SV2C: variants seen among roughly 807,000 people sequenced by gnomAD.
SV2C encodes synaptic vesicle glycoprotein 2C.
Under a neutral mutation model 79.7 loss-of-function variants are expected in SV2C, and 49 were observed. That is an observed-to-expected ratio of 0.61 (90% confidence interval 0.49 to 0.78). SV2C has a LOEUF of 0.78. SV2C is among the 30% of genes least tolerant of loss of function. The pLI is 0.00. For synonymous variants in SV2C, 334 were observed against 333.2 expected (o/e 1.00, Z -0.03); for missense variants, 833 against 912.9 (o/e 0.91, Z 1.13).
At chr5:76,035,991 C>A in the SV2C span, among the ~76,000 whole-genome samples, 1 of 152,062 alleles carries the variant, frequency 6.6e-6, no homozygotes, top group Non-Finnish European at 1.5e-5. Flanking sequence ...ATCCCTTTAC[C>A]ATTATGTAAT....
At chr5:76,247,049 T>G (rs918435108) in intron 4 of SV2C, among the ~76,000 whole-genome samples, 1 of 152,190 alleles carries the variant, frequency 6.6e-6, no homozygotes, top group Non-Finnish European at 1.5e-5. Context: ...GATGTATTGA[T>G]GACCTTTACA....
At chr5:76,059,114 T>C in the SV2C span, among the ~76,000 whole-genome samples, 2 of 152,268 alleles carry the variant, frequency 1.3e-5, no homozygotes, top group African/African-American at 4.8e-5. Flanking sequence ...TGCTAAAAGA[T>C]GCTAACAATC....
rs1748978044 is a variant in SV2C, at chr5:76,325,809, C to A, written c.*262C>A. Reference sequence around the variant, plus strand: ...ACTGCCTCCCGCAAATCAGTGGAAGCATTTCTAAAATGCCCTAGGCAGCCA... The same window carrying A: ...ACTGCCTCCCGCAAATCAGTGGAAGAATTTCTAAAATGCCCTAGGCAGCCA... On this transcript the variant is annotated 3_prime_UTR_variant, in exon 13 of 13. Transcript: ENST00000502798. 4 of 385,304 alleles carry A rather than the reference C, an allele frequency of 1.0e-5. No homozygotes were observed. The South Asian group carries it at 2.0e-4, about 19-fold the overall frequency. 23.9% of individuals were successfully genotyped at this position (385,304 alleles called of 1,614,324 possible).
the SV2C span, among the ~76,000 whole-genome samples, chr5:75,902,587 A>C: frequency 6.6e-6 from 1 of 152,164 alleles, no homozygotes; most frequent in Middle Eastern, 3.2e-3. Flanking sequence ...CCAGAGCTCA[A>C]ATGGTCTATT....
chr5:75,904,440 G>C, the SV2C span, among the ~76,000 whole-genome samples: 1 of 151,482 alleles, frequency 6.6e-6, no homozygotes, highest in African/African-American at 2.4e-5. Flanking sequence ...GGCTGTCGGT[G>C]GTCAGTGAAA....
chr5:76,255,943 A>G (rs1276159946), intron 4 of SV2C, among the ~76,000 whole-genome samples: 1 of 152,238 alleles, frequency 6.6e-6, no homozygotes, highest in Non-Finnish European at 1.5e-5. Flanking sequence ...ATACAGTGTC[A>G]GGCCAGTTTG....
chr5:75,929,548 G>A, the SV2C span, among the ~76,000 whole-genome samples: 1 of 151,942 alleles, frequency 6.6e-6, no homozygotes, highest in Non-Finnish European at 1.5e-5. Context: ...CTCTAAAACA[G>A]AAAAACTAGA....
the SV2C span, among the ~76,000 whole-genome samples, chr5:75,896,993 A>C: frequency 7.1e-6 from 1 of 141,678 alleles, no homozygotes; most frequent in Non-Finnish European, 1.5e-5. Context: ...AGTAGGTTGC[A>C]AAAATTTTCT....
chr5:76,049,029 G>GAA, the SV2C span, among the ~76,000 whole-genome samples: 1 of 37,324 alleles, frequency 2.7e-5, no homozygotes, highest in Non-Finnish European at 5.8e-5. Flanking sequence ...GAAAGAAAAA[G>GAA]AAAAGAGGGA....
At chr5:76,188,150 A>C (rs1200371093) in intron 2 of SV2C, among the ~76,000 whole-genome samples, 2 of 152,242 alleles carry the variant, frequency 1.3e-5, no homozygotes, top group East Asian at 3.9e-4. Flanking sequence ...AGTCCCAACT[A>C]TTTGGGAGGC....
the SV2C span, among the ~76,000 whole-genome samples, chr5:75,861,670 A>G: frequency 0.024 from 3,726 of 152,302 alleles, 161 homozygotes; most frequent in African/African-American, 0.085. Context: ...TTGCAGCAAC[A>G]TGGATGCAGC....
chr5:76,292,555 G>C (rs1747602871), intron 8 of SV2C, among the ~76,000 whole-genome samples: 1 of 152,148 alleles, frequency 6.6e-6, no homozygotes, highest in Non-Finnish European at 1.5e-5. Context: ...GTGAAGGATT[G>C]CTTGAGCCCA....
At chr5:76,168,398 C>T (rs963646679) in intron 2 of SV2C, among the ~76,000 whole-genome samples, 1 of 151,934 alleles carries the variant, frequency 6.6e-6, no homozygotes, top group African/African-American at 2.4e-5. Flanking sequence ...TCACCCTGGA[C>T]CCCTCCTTAC....
At chr5:76,163,050 C>T (rs765524301) in intron 2 of SV2C, among the ~76,000 whole-genome samples, 3 of 152,180 alleles carry the variant, frequency 2.0e-5, no homozygotes, top group Non-Finnish European at 2.9e-5. Context: ...CTGCCTTGGA[C>T]ACCTCCAAAC....
At chr5:75,980,701 G>A in the SV2C span, among the ~76,000 whole-genome samples, 9 of 152,202 alleles carry the variant, frequency 5.9e-5, no homozygotes, top group South Asian at 1.9e-3. Flanking sequence ...AGGTATTGAA[G>A]GAACATACCT....
At chr5:76,263,700 T>G (rs902292176) in intron 4 of SV2C, among the ~76,000 whole-genome samples, 2 of 152,196 alleles carry the variant, frequency 1.3e-5, no homozygotes, top group Non-Finnish European at 2.9e-5. Flanking sequence ...CTGTAAAGGA[T>G]TTTATTTCTC....
chr5:76,035,224 G>T, the SV2C span, among the ~76,000 whole-genome samples: 2 of 151,460 alleles, frequency 1.3e-5, no homozygotes, highest in South Asian at 4.2e-4. Flanking sequence ...ATTTTTTGAA[G>T]GGTTTTTTTT....
the SV2C span, among the ~76,000 whole-genome samples, chr5:75,990,458 T>C: frequency 1.3e-5 from 2 of 152,038 alleles, no homozygotes; most frequent in African/African-American, 4.8e-5. Flanking sequence ...ATAAACTCTT[T>C]GTTTTTCTCT....
At chr5:75,959,468 A>G in the SV2C span, among the ~76,000 whole-genome samples, 12,559 of 151,932 alleles carry the variant, frequency 0.083, 602 homozygotes, top group South Asian at 0.17. Flanking sequence ...TCTCTCTTTA[A>G]TCTTTGGAGT....
Sources: gnomAD v4.1 joint callset for allele counts (sites outside exome capture counted in the v4.1 genomes callset) on GRCh38, gnomAD v4.1.1 for gene constraint, MANE v1.5 for transcripts, NCBI Gene and HGNC (gene_info 2026-07-23, HGNC 2026-07-21) for gene names.